Variants in CADM2 observed in about 807,000 individuals in gnomAD.
The protein encoded by CADM2 is immunoglobulin superfamily member 4D.
A neutral mutation model predicts 49.8 loss-of-function variants in CADM2; 12 were observed. The observed-to-expected ratio is 0.24, with a 90% confidence interval of 0.15 to 0.39. The LOEUF (loss-of-function observed/expected upper bound fraction) is 0.39, where lower values mean the gene tolerates loss of function less well. CADM2 is among the 10% of genes least tolerant of loss of function. The pLI, the probability that CADM2 is intolerant of heterozygous loss-of-function variation, is 1.00. For missense variants in CADM2, 378 were observed against 492.3 expected (o/e 0.77, Z 2.20); for synonymous variants, 214 against 175.4 (o/e 1.22, Z -1.74).
intron 8 of CADM2, among the ~76,000 whole-genome samples, chr3:86,051,984 A>AC (rs1400388730): frequency 1.5e-4 from 23 of 152,106 alleles, no homozygotes; most frequent in Admixed American, 1.1e-3. Flanking sequence ...AAACTTTGTT[A>AC]TTTGTTATTT....
At position 85,802,069 on chromosome 3, in the gene CADM2, A is replaced by G. The variant is rs763742405; in HGVS notation, c.111A>G (p.Leu37=). The G allele has an allele frequency of 4.3e-6, 7 of 1,611,450 alleles. No individual in the cohort carries two copies. The East Asian group carries it at 1.6e-4, about 36-fold the overall frequency. Residue 37 remains leucine, a synonymous_variant, in exon 3 of 10, where the codon CTA becomes CTG. Transcript: ENST00000383699. Reference sequence around the variant, plus strand: ...TAGGCAGCCAAGGGCAGTTTCCACTAACACAGAATGTAACCGTTGTTGAAG... The same window carrying G: ...TAGGCAGCCAAGGGCAGTTTCCACTGACACAGAATGTAACCGTTGTTGAAG... ...KVKGSQGQFP[L]TQNVTVVEGG... is the part of the protein sequence containing the mutation.
intron 1 of CADM2, among the ~76,000 whole-genome samples, chr3:85,242,201 C>T (rs888496481): frequency 2.0e-5 from 3 of 150,882 alleles, no homozygotes; most frequent in Non-Finnish European, 4.4e-5. Flanking sequence ...TAGATAAAAA[C>T]ACATTATGGA....
chr3:85,026,258 G>A (rs1319778053), intron 1 of CADM2, among the ~76,000 whole-genome samples: 1 of 152,118 alleles, frequency 6.6e-6, no homozygotes, highest in Non-Finnish European at 1.5e-5. Context: ...TGTATGGAGT[G>A]AAGATCACAG....
At chr3:84,967,875 G>A (rs775975221) in intron 1 of CADM2, among the ~76,000 whole-genome samples, 1 of 151,808 alleles carries the variant, frequency 6.6e-6, no homozygotes, top group Admixed American at 6.6e-5. Flanking sequence ...GCTCCATTCC[G>A]TAATCTCTTA....
At chr3:85,856,069 T>C (rs1448998490) in intron 3 of CADM2, among the ~76,000 whole-genome samples, 2 of 152,220 alleles carry the variant, frequency 1.3e-5, no homozygotes, top group African/African-American at 2.4e-5. Context: ...CTTCCATTTA[T>C]AGCAATGAAG....
At chr3:85,508,296 T>G (rs1360115112) in intron 1 of CADM2, among the ~76,000 whole-genome samples, 1 of 152,180 alleles carries the variant, frequency 6.6e-6, no homozygotes, top group Admixed American at 6.5e-5. Context: ...CAAAATAACC[T>G]ATCCCAGTAG....
chr3:85,355,020 C>T (rs988601963), intron 1 of CADM2, among the ~76,000 whole-genome samples: 1 of 151,964 alleles, frequency 6.6e-6, no homozygotes, highest in African/African-American at 2.4e-5. Flanking sequence ...AAGCTTGGGT[C>T]GACGCTCAAA....
At chr3:85,055,855 A>G (rs1432353378) in intron 1 of CADM2, among the ~76,000 whole-genome samples, 1 of 152,000 alleles carries the variant, frequency 6.6e-6, no homozygotes, top group Non-Finnish European at 1.5e-5. Context: ...TCCCAGAGCT[A>G]CTGAATTGGA....
At chr3:85,643,621 G>C (rs1243573614) in intron 1 of CADM2, among the ~76,000 whole-genome samples, 2 of 152,124 alleles carry the variant, frequency 1.3e-5, no homozygotes, top group African/African-American at 4.8e-5. Flanking sequence ...AATCAACTAT[G>C]CTGAAGCAGG....
intron 1 of CADM2, among the ~76,000 whole-genome samples, chr3:85,603,307 A>G (rs142450348): frequency 2.0e-5 from 3 of 151,934 alleles, no homozygotes; most frequent in African/African-American, 4.8e-5. Context: ...TGAAGGGGAG[A>G]AGGGATACAG....
chr3:85,274,464 A>G (rs981954162), intron 1 of CADM2, among the ~76,000 whole-genome samples: 7 of 151,442 alleles, frequency 4.6e-5, no homozygotes, highest in African/African-American at 1.7e-4. Context: ...AATTTAAATC[A>G]CAGACCATTC....
intron 1 of CADM2, among the ~76,000 whole-genome samples, chr3:85,011,819 G>A (rs923778700): frequency 3.3e-5 from 5 of 151,968 alleles, no homozygotes; most frequent in African/African-American, 9.7e-5. Flanking sequence ...GATCCCAGGA[G>A]TGGCTGCATG....
chr3:85,825,947 T>C (rs2073886456), intron 3 of CADM2, among the ~76,000 whole-genome samples: 1 of 152,030 alleles, frequency 6.6e-6, no homozygotes, highest in African/African-American at 2.4e-5. Flanking sequence ...TTGTTCTCCA[T>C]AAATGTAGAT....
At chr3:85,438,076 A>G (rs1394960022) in intron 1 of CADM2, among the ~76,000 whole-genome samples, 1 of 152,044 alleles carries the variant, frequency 6.6e-6, no homozygotes, top group Non-Finnish European at 1.5e-5. Flanking sequence ...CAACAATAGA[A>G]AAAATAATGT....
chr3:85,540,855 G>T (rs1379937230), intron 1 of CADM2, among the ~76,000 whole-genome samples: 1 of 152,098 alleles, frequency 6.6e-6, no homozygotes, highest in Non-Finnish European at 1.5e-5. Context: ...TCTCCCTAAG[G>T]CTTGCAGATT....
intron 8 of CADM2, among the ~76,000 whole-genome samples, chr3:85,999,343 A>T (rs1043589107): frequency 1.3e-5 from 2 of 151,792 alleles, no homozygotes; most frequent in Non-Finnish European, 2.9e-5. Context: ...CATCTCTACT[A>T]AAACTACCCA....
chr3:85,838,613 T>G (rs1210505408), intron 3 of CADM2, among the ~76,000 whole-genome samples: 1 of 151,916 alleles, frequency 6.6e-6, no homozygotes, highest in African/African-American at 2.4e-5. Context: ...ATTTTGGTTT[T>G]GTTTTGAAAT....
intron 1 of CADM2, among the ~76,000 whole-genome samples, chr3:85,597,227 T>C (rs1467727820): frequency 1.3e-5 from 2 of 152,006 alleles, no homozygotes; most frequent in Non-Finnish European, 2.9e-5. Context: ...AATAAGTAAG[T>C]ACACGTAAGA....
rs1179530133 is a variant in CADM2, at chr3:85,312,360, G to A, written c.61+352692G>A. ...CTTGTTGTGCTATGTGGTTGAGATA[G>A]GATGACAATGTTGCATCAATATGTG... is the stretch of plus-strand genomic sequence containing the variant. On this transcript the variant is annotated intron_variant, in intron 1 of 9. Transcript: ENST00000383699. 2.0e-5 allele frequency among the ~76,000 whole-genome samples: 3 copies of A among 152,122 alleles called. No homozygotes were observed. The East Asian group carries it at 5.8e-4, about 29-fold the overall frequency.
Sources: allele counts gnomAD v4.1 joint callset (sites outside exome capture counted in the v4.1 genomes callset), GRCh38; gene constraint gnomAD v4.1.1; transcripts MANE v1.5; gene names NCBI Gene and HGNC (gene_info 2026-07-23, HGNC 2026-07-21).